The following MYO16 variants were observed in gnomAD, a reference collection of about 807,000 sequenced individuals.
MYO16 encodes the protein unconventional myosin-XVI.
MYO16 carries 94 observed loss-of-function variants against 205.3 expected under a neutral mutation model. The observed-to-expected ratio is 0.46, with a 90% CI of 0.39 to 0.54. The LOEUF (loss-of-function observed/expected upper bound fraction) is 0.54, where lower values mean the gene tolerates loss of function less well. Ranked by LOEUF, MYO16 falls within the 20% of genes least tolerant of loss-of-function variation. The pLI, the probability that MYO16 is intolerant of heterozygous loss-of-function variation, is 0.00. For missense variants in MYO16, 2,315 were observed against 2,387.5 expected (o/e 0.97, Z 0.63); for synonymous variants, 988 against 954.0 (o/e 1.04, Z -0.66).
chr13:108,501,927 A>G, the MYO16 span, among the ~76,000 whole-genome samples: 8 of 152,218 alleles, frequency 5.3e-5, no homozygotes, highest in African/African-American at 1.9e-4. Context: ...TTGTGATGCC[A>G]GAAAAGACTG....
chr13:108,727,548 T>C lies in MYO16; in HGVS notation c.472T>C (p.Cys158Arg), dbSNP rs1219828070. 1 of 1,613,822 alleles carries C rather than the reference T, an allele frequency of 6.2e-7. No homozygotes were observed. The highest frequency in any genetic ancestry group is 2.2e-5 in the East Asian group (1 of 44,880). The part of the protein sequence containing the change: ...FWTPMHIACA[C>R]DNPDIVLLLV... Reference sequence around the variant, plus strand: ...GACGCCCATGCACATTGCCTGTGCCTGCGATAACCCTGATATTGTCCTGCT... The same window carrying C: ...GACGCCCATGCACATTGCCTGTGCCCGCGATAACCCTGATATTGTCCTGCT... The change falls in exon 4 of 35, where the codon TGC becomes CGC. Residue 158 changes from cysteine to arginine, a missense_variant. By Grantham distance (180) the Cys-to-Arg change is radical. Transcript: ENST00000457511.
intron 14 of MYO16, among the ~76,000 whole-genome samples, chr13:108,889,266 T>A (rs1160423485): frequency 6.6e-6 from 1 of 152,062 alleles, no homozygotes; most frequent in Admixed American, 6.6e-5. Context: ...TTGGAAACAT[T>A]TGCAGTGTTA....
upstream of MYO16, chr13:108,629,596 T>C (rs562113762): frequency 4.4e-6 from 2 of 455,106 alleles, no homozygotes; most frequent in African/African-American, 3.9e-5. Context: ...TCAAGGGTGC[T>C]ACAATAGCAC....
At chr13:109,022,152 CA>C in intron 23 of MYO16, among the ~76,000 whole-genome samples, 1 of 86,526 alleles carries the variant, frequency 1.2e-5, no homozygotes, top group Non-Finnish European at 2.2e-5. Flanking sequence ...TTTATATATA[CA>C]AATTTATATA....
upstream of MYO16, among the ~76,000 whole-genome samples, chr13:108,594,297 T>C (rs1878479336): frequency 6.6e-6 from 1 of 152,166 alleles, no homozygotes; most frequent in African/African-American, 2.4e-5. Flanking sequence ...TGTAAGTCCC[T>C]CTTGCTGAGA....
intron 23 of MYO16, among the ~76,000 whole-genome samples, chr13:109,023,589 A>G (rs1490318604): frequency 2.4e-5 from 3 of 126,010 alleles, no homozygotes; most frequent in Non-Finnish European, 4.7e-5. Flanking sequence ...ATTTATATAT[A>G]CAAATATAAA....
chr13:108,979,461 A>G (rs1392863069), intron 20 of MYO16, among the ~76,000 whole-genome samples: 1 of 152,172 alleles, frequency 6.6e-6, no homozygotes, highest in East Asian at 1.9e-4. Context: ...AATTTGACAC[A>G]CCATGTTTTT....
chr13:108,882,782 A>G (rs754607702), intron 12 of MYO16, among the ~76,000 whole-genome samples: 5 of 152,192 alleles, frequency 3.3e-5, no homozygotes, highest in African/African-American at 9.7e-5. Flanking sequence ...ATTAAAGAAC[A>G]TATTTTGTGA....
intron 34 of MYO16, among the ~76,000 whole-genome samples, chr13:109,181,816 AT>A (rs61381548): frequency 0.17 from 21,785 of 125,938 alleles, 2,006 homozygotes; most frequent in Middle Eastern, 0.25. Context: ...TTATTTATTT[AT>A]TTTATTTTAT....
the MYO16 span, among the ~76,000 whole-genome samples, chr13:108,578,907 G>T: frequency 6.7e-6 from 1 of 148,698 alleles, no homozygotes; most frequent in African/African-American, 2.4e-5. Flanking sequence ...ATGTATTTAT[G>T]TATTATTACA....
chr13:108,997,197 A>G (rs1271509070), intron 21 of MYO16, among the ~76,000 whole-genome samples: 1 of 151,914 alleles, frequency 6.6e-6, no homozygotes, highest in Non-Finnish European at 1.5e-5. Context: ...AGAATGAGAC[A>G]TGAATATCGT....
intron 4 of MYO16, among the ~76,000 whole-genome samples, chr13:108,744,964 T>G (rs1166133543): frequency 6.6e-6 from 1 of 152,164 alleles, no homozygotes; most frequent in Non-Finnish European, 1.5e-5. Context: ...ATATTAACAG[T>G]GATTAGAACC....
At chr13:108,710,657 A>C (rs1304762149) in intron 2 of MYO16, among the ~76,000 whole-genome samples, 1 of 152,236 alleles carries the variant, frequency 6.6e-6, no homozygotes, top group African/African-American at 2.4e-5. Flanking sequence ...CATAAAGTTC[A>C]GTAGCTTTCC....
chr13:108,729,415 T>C (rs1884449122), intron 4 of MYO16, among the ~76,000 whole-genome samples: 1 of 152,170 alleles, frequency 6.6e-6, no homozygotes, highest in African/African-American at 2.4e-5. Context: ...TTGATACATT[T>C]TTTGATAGTT....
chr13:108,673,468 A>G (rs951491952), intron 2 of MYO16, among the ~76,000 whole-genome samples: 1 of 151,738 alleles, frequency 6.6e-6, no homozygotes, highest in Non-Finnish European at 1.5e-5. Context: ...ACTTGTAAGC[A>G]TATTTACAGA....
chr13:109,064,999 G>T (rs1356069168), intron 27 of MYO16, among the ~76,000 whole-genome samples: 1 of 152,156 alleles, frequency 6.6e-6, no homozygotes, highest in Admixed American at 6.5e-5. Flanking sequence ...CTTGCTTGGG[G>T]CCTCTTCCCC....
At chr13:109,009,167 C>A (rs1885508830) in intron 22 of MYO16, 118 bp downstream of exon 22, 2 of 803,548 alleles carry the variant, frequency 2.5e-6, no homozygotes, top group African/African-American at 1.8e-5. Context: ...TGAGATTCTG[C>A]AATAATTTTT....
intron 7 of MYO16, among the ~76,000 whole-genome samples, chr13:108,807,963 G>A (rs1032631127): frequency 5.9e-5 from 9 of 152,284 alleles, no homozygotes; most frequent in Non-Finnish European, 1.3e-4. Context: ...CTATTGTAAA[G>A]TGTCTATTGC....
intron 27 of MYO16, among the ~76,000 whole-genome samples, chr13:109,075,287 G>A (rs77166441): frequency 1.6e-3 from 243 of 147,286 alleles, no homozygotes; most frequent in African/African-American, 5.7e-3. Flanking sequence ...TTCCAAATTG[G>A]TTGTTCCCTT....
Sources: allele counts gnomAD v4.1 joint callset (sites outside exome capture counted in the v4.1 genomes callset), GRCh38; gene constraint gnomAD v4.1.1; transcripts MANE v1.5; gene names NCBI Gene and HGNC (gene_info 2026-07-23, HGNC 2026-07-21).